The following CPB2 variants were observed in gnomAD, a reference collection of about 807,000 sequenced individuals.
The protein encoded by CPB2 is carboxypeptidase B-like protein.
A neutral mutation model predicts 57.0 loss-of-function variants in CPB2; 54 were observed. That is an observed-to-expected ratio of 0.95 (90% CI 0.76 to 1.19). The LOEUF is 1.19. Ranked by LOEUF, CPB2 falls within the 50% of genes most tolerant of loss-of-function variation. CPB2 has a pLI of 0.00. For missense variants in CPB2, 426 were observed against 512.0 expected, an observed-to-expected ratio of 0.83 and a Z score of 1.62; for synonymous variants, 189 against 178.1, an observed-to-expected ratio of 1.06 and a Z score of -0.49.
At chr13:46,061,547 G>T (rs1029901328) in intron 8 of CPB2, among the ~76,000 whole-genome samples, 1 of 152,196 alleles carries the variant, frequency 6.6e-6, no homozygotes, top group Non-Finnish European at 1.5e-5. Flanking sequence ...AGGGAGGTTT[G>T]TGCAGAAAGA....
At chr13:46,066,108 A>T (rs116443283) in intron 7 of CPB2, among the ~76,000 whole-genome samples, 2,075 of 151,204 alleles carry the variant, frequency 0.014, 50 homozygotes, top group African/African-American at 0.046. Context: ...TGCATAAATT[A>T]CCTCCTACAT....
chr13:46,090,158 C>CTT (rs368048737), intron 1 of CPB2, among the ~76,000 whole-genome samples: 2 of 147,456 alleles, frequency 1.4e-5, no homozygotes, highest in African/African-American at 2.5e-5. Flanking sequence ...CTGCCCAATT[C>CTT]TTTTTTTTTT....
At chr13:46,073,408 T>G in intron 6 of CPB2, 1 of 831,592 alleles carries the variant, frequency 1.2e-6, no homozygotes, top group Non-Finnish European at 1.4e-6. Flanking sequence ...GGAACAAAAT[T>G]CCCTATTATG....
In CPB2 at chr13:46,053,720, G is replaced by A. The variant is rs1237191853; in HGVS notation, c.1166C>T (p.Thr389Met). 3 of 1,614,090 alleles carry A rather than the reference G, an allele frequency of 1.9e-6. No homozygotes were observed. The highest frequency in any genetic ancestry group is 2.5e-6 in the Non-Finnish European group (3 of 1,180,014). The change falls in exon 11 of 11, where the codon ACG (threonine) becomes ATG (methionine). Residue 389 changes from threonine to methionine, a missense_variant. Physicochemically the swap from Thr to Met is moderately conservative, Grantham distance 81. Coordinates refer to ENST00000181383, the MANE Select transcript of CPB2 (RefSeq NM_001872.5). ...CGGCAGCAAGAATCCGTATGTGCCCGTATCTCGAAGTTCAATTGTAAACGA... is the reference window on the plus strand; with the variant it reads ...CGGCAGCAAGAATCCGTATGTGCCCATATCTCGAAGTTCAATTGTAAACGA... ...KYSFTIELRD[T>M]GTYGFLLPER...
chr13:46,067,423 A>G lies in CPB2; in HGVS notation c.592-6T>C. ...ATCCCATAGAATTGAGTTATCTGCA[A>G]ATTAAACCAAGTATATTTAATTAGA... On this transcript the variant is annotated splice_polypyrimidine_tract_variant and splice_region_variant and intron_variant, in intron 6 of 10. Coordinates refer to ENST00000181383, the MANE Select transcript of CPB2 (RefSeq NM_001872.5). 7.6e-7 allele frequency: 1 copy of G among 1,312,878 alleles called. No homozygotes were observed. Among genetic ancestry groups the G allele is most frequent in the Non-Finnish European group, 1.1e-6 (1 of 912,092 alleles). 81.3% of individuals were successfully genotyped at this position (1,312,878 alleles called of 1,614,324 possible).
chr13:46,100,797 A>T (rs1032431576), intron 1 of CPB2: 1 of 152,246 alleles, frequency 6.6e-6, no homozygotes, highest in Admixed American at 6.5e-5. Context: ...AAGAGCCCAG[A>T]GGTAGAAGCA....
intron 1 of CPB2, chr13:46,099,363 A>G (rs551108018): frequency 1.4e-4 from 21 of 152,280 alleles, no homozygotes; most frequent in African/African-American, 4.6e-4. Flanking sequence ...CCTTACTTAA[A>G]AGTTGGTTGG....
intron 9 of CPB2, among the ~76,000 whole-genome samples, chr13:46,057,114 C>T (rs2044707989): frequency 1.3e-5 from 2 of 151,402 alleles, no homozygotes; most frequent in South Asian, 2.1e-4. Flanking sequence ...GTATTTTACA[C>T]GTAATGGCTC....
At chr13:46,093,073 C>T (rs1390969678) in intron 1 of CPB2, among the ~76,000 whole-genome samples, 3 of 151,924 alleles carry the variant, frequency 2.0e-5, no homozygotes, top group East Asian at 1.9e-4. Context: ...CCACCATGCC[C>T]GGCTAATTTT....
intron 1 of CPB2, among the ~76,000 whole-genome samples, chr13:46,090,380 G>C (rs1470530308): frequency 2.0e-5 from 1 of 50,726 alleles, no homozygotes; most frequent in Non-Finnish European, 4.1e-5. Context: ...TTTTTTTTTT[G>C]GAGATGGAGT....
chr13:46,063,048 A>T (rs1057082760), intron 8 of CPB2, among the ~76,000 whole-genome samples: 1 of 152,178 alleles, frequency 6.6e-6, no homozygotes, highest in African/African-American at 2.4e-5. Flanking sequence ...AATATAGATG[A>T]TGCATACTCC....
chr13:46,076,316 A>G (rs2045021312), intron 5 of CPB2, among the ~76,000 whole-genome samples: 1 of 152,170 alleles, frequency 6.6e-6, no homozygotes, highest in African/African-American at 2.4e-5. Flanking sequence ...AAATCAGCAC[A>G]CAAAATCAGT....
chr13:46,065,487 C>T (rs1327647987), intron 7 of CPB2, among the ~76,000 whole-genome samples: 5 of 151,868 alleles, frequency 3.3e-5, no homozygotes, highest in South Asian at 2.1e-4. Context: ...ATTAGCCAGG[C>T]GTGGTGGCGG....
At chr13:46,076,860 G>A (rs1211469899) in intron 5 of CPB2, among the ~76,000 whole-genome samples, 1 of 152,064 alleles carries the variant, frequency 6.6e-6, no homozygotes, top group African/African-American at 2.4e-5. Context: ...TCAATAAATG[G>A]TATTGGGAAA....
chr13:46,066,752 GA>G (rs1208743249), intron 7 of CPB2, among the ~76,000 whole-genome samples: 1 of 147,252 alleles, frequency 6.8e-6, no homozygotes, highest in Non-Finnish European at 1.5e-5. Flanking sequence ...GGCTGAGGCA[GA>G]AAAATCTCTT....
rs1398190571 is a variant in CPB2 at position 46,055,756 on chromosome 13, A to ACTTACAT, written c.1086_1087+5dup. 6.6e-7 allele frequency: 1 copy of ACTTACAT among 1,520,740 alleles called. No homozygotes were observed. 94.2% of individuals were successfully genotyped at this position (1,520,740 alleles called of 1,614,324 possible). The stretch of plus-strand genomic sequence containing the variant: ...GTTCTCTAAGATCATAAGAAGAAAT[A>ACTTACAT]CTTACATAAGGTTTCTGAGCCATGG... On this transcript the variant is annotated splice_donor_region_variant and intron_variant, in intron 10 of 10. Coordinates refer to ENST00000181383, the MANE Select transcript of CPB2 (RefSeq NM_001872.5).
At position 46,073,915 on chromosome 13, in the gene CPB2, T is replaced by G. The variant is rs2139375971; in HGVS notation, c.549A>C (p.Arg183Ser). ...AIWIDCGIHA[R>S]EWISPAFCLW... ...AGCAGAAAGCAGGAGAGATCCATTC[T>G]CTGGCATGGATTCCACAGTCAATCC... Residue 183 changes from arginine (R) to serine (S), a missense_variant, in exon 6 of 11, where the codon AGA becomes AGC. By Grantham distance (110) the Arg-to-Ser change is moderately radical. Transcript: ENST00000181383. 3 of 1,591,108 alleles carry G rather than the reference T, an allele frequency of 1.9e-6. No individual in the cohort carries two copies. The highest frequency in any genetic ancestry group is 4.5e-5 in the East Asian group (2 of 44,364).
chr13:46,084,607 A>G (rs1403030449), intron 2 of CPB2, among the ~76,000 whole-genome samples: 5 of 152,174 alleles, frequency 3.3e-5, no homozygotes, highest in African/African-American at 4.8e-5. Context: ...ATTTGATGAG[A>G]CAATGATGAA....
chr13:46,078,900 A>G lies in CPB2; in HGVS notation c.386T>C (p.Ile129Thr), dbSNP rs997489030. 12 of 1,589,360 alleles carry G rather than the reference A, an allele frequency of 7.6e-6. No individual in the cohort carries two copies. In the Admixed American group the frequency reaches 1.2e-4, roughly 15 times the overall value. Residue 129 changes from isoleucine to threonine, a missense_variant and splice_region_variant, in exon 5 of 11, where the codon ATC (isoleucine) becomes ACC (threonine). Ile to Thr is a moderately conservative substitution (Grantham distance 89). Coordinates refer to ENST00000181383, the MANE Select transcript of CPB2 (RefSeq NM_001872.5). Reference sequence around the variant, plus strand: ...AGTTATAAATTCTATCCAAGAATAGATCTAGCAAAATGGAAACCAGAGGTT... The same window carrying G: ...AGTTATAAATTCTATCCAAGAATAGGTCTAGCAAAATGGAAACCAGAGGTT... ...YYEQYHSLNE[I>T]YSWIEFITER...
Sources: allele counts gnomAD v4.1 joint callset (sites outside exome capture counted in the v4.1 genomes callset), GRCh38; gene constraint gnomAD v4.1.1; transcripts MANE v1.5; gene names NCBI Gene and HGNC (gene_info 2026-07-23, HGNC 2026-07-21).